The following RRBP1 variants were observed in gnomAD, a reference collection of about 807,000 sequenced individuals.
RRBP1 encodes the protein ribosome binding protein 1.
A neutral mutation model predicts 165.2 loss-of-function variants in RRBP1; 94 were observed. The observed-to-expected ratio is 0.57, with a 90% CI of 0.48 to 0.68. The LOEUF (loss-of-function observed/expected upper bound fraction) is 0.68. Among genes scored for constraint, RRBP1 ranks in the 30% least tolerant of loss-of-function variants. The pLI is 0.00. For missense variants in RRBP1, 1,676 were observed against 1,763.0 expected, an observed-to-expected ratio of 0.95 and a Z score of 0.88; for synonymous variants, 680 against 714.5, an observed-to-expected ratio of 0.95 and a Z score of 0.77.
At chr20:17,638,583 C>A (rs1208372850) in intron 5 of RRBP1, among the ~76,000 whole-genome samples, 1 of 152,204 alleles carries the variant, frequency 6.6e-6, no homozygotes, top group Non-Finnish European at 1.5e-5. Flanking sequence ...CACTTGTCCT[C>A]AGTGCAGCTG....
At chr20:17,666,301 T>C (rs1186951683) in intron 2 of RRBP1, among the ~76,000 whole-genome samples, 2 of 151,606 alleles carry the variant, frequency 1.3e-5, no homozygotes, top group Non-Finnish European at 1.5e-5. Context: ...AGTCTTGGAG[T>C]TGAACACCAG....
chr20:17,629,512 C>T (rs1255504188), intron 9 of RRBP1, among the ~76,000 whole-genome samples: 1 of 152,104 alleles, frequency 6.6e-6, no homozygotes, highest in African/African-American at 2.4e-5. Context: ...CCTTCCACCC[C>T]CATATGCCCT....
rs750583523 is a variant in RRBP1, at chr20:17,624,572, T to C, written c.3147+4A>G. On this transcript the variant is annotated splice_donor_region_variant and intron_variant, in intron 13 of 24. Transcript: ENST00000377813. ...TGGGGGTGTGAGTGTGGTCGGGCTCTGACCTTGGCCTGGGTCAGGGAGAGC... is the reference window on the plus strand; with the variant it reads ...TGGGGGTGTGAGTGTGGTCGGGCTCCGACCTTGGCCTGGGTCAGGGAGAGC... The C allele has an allele frequency of 4.4e-6, 7 of 1,585,694 alleles. No individual in the cohort carries two copies. In the South Asian group the frequency reaches 6.9e-5, roughly 16 times the overall value.
At chr20:17,656,353 T>C (rs1315750352) in intron 3 of RRBP1, among the ~76,000 whole-genome samples, 1 of 152,178 alleles carries the variant, frequency 6.6e-6, no homozygotes, top group Non-Finnish European at 1.5e-5. Flanking sequence ...CTTGGTGACT[T>C]CTTCTCATGA....
At chr20:17,675,316 A>G (rs138449806) in intron 2 of RRBP1, among the ~76,000 whole-genome samples, 3 of 152,362 alleles carry the variant, frequency 2.0e-5, no homozygotes, top group Non-Finnish European at 2.9e-5. Context: ...TTCAGGCTAC[A>G]TGATATACTC....
chr20:17,658,736 T>C lies in RRBP1; in HGVS notation c.1772A>G (p.Asp591Gly). ...CTTTTTACCCTGATTGGCAGCTGCG[T>C]CTGCCTTTTTGCCTTGGTTGGGGGA... ...EGSPNQGKKA[D>G]AAANQGKKTE... The change falls in exon 3 of 25, where the codon GAC (aspartate) becomes GGC (glycine). Residue 591 changes from aspartate (D) to glycine (G), a missense_variant. This residue lies in a region of RRBP1 where 1,184 missense variants were observed against 1,167.1 expected (regional missense o/e 1.01). Coordinates refer to ENST00000377813, the MANE Select transcript of RRBP1 (RefSeq NM_001365613.2). 6.2e-7 allele frequency: 1 copy of C among 1,612,834 alleles called. No homozygotes were observed. Among genetic ancestry groups the C allele is most frequent in the South Asian group, 1.1e-5 (1 of 91,030 alleles).
At chr20:17,632,995 T>C (rs2036181163) in intron 8 of RRBP1, among the ~76,000 whole-genome samples, 1 of 152,196 alleles carries the variant, frequency 6.6e-6, no homozygotes, top group South Asian at 2.1e-4. Flanking sequence ...CTCAGCTGGC[T>C]GCTCCAGAGC....
Position 17,629,985 on chromosome 20 carries a change from G to A in RRBP1, c.2611-24C>T, listed in dbSNP as rs1363668098. 2.5e-6 allele frequency: 4 copies of A among 1,584,638 alleles called. No individual in the cohort carries two copies. The South Asian group carries it at 4.4e-5, about 18-fold the overall frequency. On this transcript the variant is annotated intron_variant, in intron 8 of 24. Coordinates refer to ENST00000377813, the MANE Select transcript of RRBP1 (RefSeq NM_001365613.2). ...GCCTGGGGACGGGCAGGGGAGTGGG[G>A]CAGTGAAGACGTGGAAGGACCAGGC...
At chr20:17,666,976 G>A (rs74744192) in intron 2 of RRBP1, among the ~76,000 whole-genome samples, 6,971 of 152,258 alleles carry the variant, frequency 0.046, 480 homozygotes, top group African/African-American at 0.15. Flanking sequence ...GTTTCTTGAT[G>A]GAGATTCTTT....
intron 2 of RRBP1, among the ~76,000 whole-genome samples, chr20:17,679,164 C>T (rs1372203000): frequency 6.6e-6 from 1 of 152,176 alleles, no homozygotes; most frequent in African/African-American, 2.4e-5. Context: ...CCATTCCCAC[C>T]CCCTAGAACA....
chr20:17,616,511 C>A (rs900904845), intron 21 of RRBP1, among the ~76,000 whole-genome samples: 1 of 152,192 alleles, frequency 6.6e-6, no homozygotes, highest in African/African-American at 2.4e-5. Context: ...TCGAGTCCCA[C>A]CTCCCCCCAA....
At chr20:17,628,539 C>T (rs931309160) in intron 9 of RRBP1, among the ~76,000 whole-genome samples, 9 of 152,234 alleles carry the variant, frequency 5.9e-5, no homozygotes, top group South Asian at 2.1e-4. Flanking sequence ...CAGAAGCGCA[C>T]ATGAGACGAC....
At chr20:17,624,340 G>A (rs748173393) in intron 13 of RRBP1, among the ~76,000 whole-genome samples, 9 of 152,154 alleles carry the variant, frequency 5.9e-5, no homozygotes, top group South Asian at 2.1e-4. Flanking sequence ...GCGTCTGTAC[G>A]TCCTAGTGCC....
At chr20:17,633,192 C>G (rs1460543271) in intron 8 of RRBP1, among the ~76,000 whole-genome samples, 2 of 152,206 alleles carry the variant, frequency 1.3e-5, no homozygotes, top group Non-Finnish European at 2.9e-5. Flanking sequence ...CATAGGGTTA[C>G]AAGGAAAAGT....
At chr20:17,652,378 G>A (rs1205953695) in intron 3 of RRBP1, among the ~76,000 whole-genome samples, 1 of 152,154 alleles carries the variant, frequency 6.6e-6, no homozygotes, top group East Asian at 1.9e-4. Context: ...CATGTGACCA[G>A]TGCCTCCCAT....
chr20:17,636,076 G>A (rs1456318221), intron 6 of RRBP1, among the ~76,000 whole-genome samples: 1 of 152,236 alleles, frequency 6.6e-6, no homozygotes, highest in Non-Finnish European at 1.5e-5. Context: ...CATGCAGCAG[G>A]GAGGAGGTCG....
chr20:17,615,552 T>C, intron 22 of RRBP1, 23 bp from the exon 23 acceptor site: 1 of 1,580,296 alleles, frequency 6.3e-7, no homozygotes, highest in South Asian at 1.2e-5. Flanking sequence ...GGAAGTGAGG[T>C]CTGGGTGAGA....
intron 12 of RRBP1, among the ~76,000 whole-genome samples, chr20:17,625,133 GGCCGAGGCCACACCA>G (rs1183515091): frequency 1.3e-5 from 2 of 152,152 alleles, no homozygotes; most frequent in East Asian, 3.9e-4. Context: ...AGGAGGGTGT[GGCCGAGGCCACACCA>G]GGACAGCAGG....
At chr20:17,625,681 GGGA>G (rs1198859723) in intron 11 of RRBP1, 79 bp from the exon 12 acceptor site, 34 of 1,201,804 alleles carry the variant, frequency 2.8e-5, no homozygotes, top group Non-Finnish European at 4.1e-5. Flanking sequence ...GCCCCATCCA[GGGA>G]GGAGTACCTT....
Sources: allele counts gnomAD v4.1 joint callset (sites outside exome capture counted in the v4.1 genomes callset), GRCh38; gene constraint gnomAD v4.1.1; regional missense constraint gnomAD v4.1.1; transcripts MANE v1.5; gene names NCBI Gene and HGNC (gene_info 2026-07-23, HGNC 2026-07-21).